MAN1A1: variants seen among roughly 807,000 people sequenced by gnomAD.
MAN1A1 encodes mannosyl-oligosaccharide 1,2-alpha-mannosidase IA.
Under a neutral mutation model 70.8 loss-of-function variants are expected in MAN1A1, and 29 were observed. The ratio of observed to expected loss-of-function variants is 0.41; its 90% confidence interval spans 0.31 to 0.56. MAN1A1 has a LOEUF of 0.56. MAN1A1 is among the 20% of genes least tolerant of loss of function. The pLI is 0.29. For missense variants in MAN1A1, 747 were observed against 841.3 expected (o/e 0.89, Z 1.39); for synonymous variants, 349 against 330.1 (o/e 1.06, Z -0.62).
intron 4 of MAN1A1, among the ~76,000 whole-genome samples, chr6:119,297,279 C>T (rs1687960787): frequency 6.6e-6 from 1 of 152,142 alleles, no homozygotes; most frequent in South Asian, 2.1e-4. Flanking sequence ...ACAGATGACA[C>T]AATACAGCTA....
At chr6:119,189,184 A>G (rs1300759205) in intron 10 of MAN1A1, among the ~76,000 whole-genome samples, 1 of 152,218 alleles carries the variant, frequency 6.6e-6, no homozygotes, top group African/African-American at 2.4e-5. Context: ...GCACCATGAA[A>G]TACCATTTGA....
chr6:119,260,108 G>A (rs539070974), intron 5 of MAN1A1, among the ~76,000 whole-genome samples: 1 of 152,034 alleles, frequency 6.6e-6, no homozygotes, highest in South Asian at 2.1e-4. Context: ...ATTTTCTATA[G>A]AGGGTTAGAT....
chr6:119,235,168 T>C (rs758130591), intron 6 of MAN1A1, among the ~76,000 whole-genome samples: 5 of 152,176 alleles, frequency 3.3e-5, no homozygotes. Context: ...AACCCAACAA[T>C]GGACTCTGAG....
At chr6:119,311,718 C>T (rs1025408372) in intron 2 of MAN1A1, among the ~76,000 whole-genome samples, 1 of 152,000 alleles carries the variant, frequency 6.6e-6, no homozygotes, top group Non-Finnish European at 1.5e-5. Context: ...AGAGGTGCAT[C>T]GGAATGAGGG....
Position 119,180,437 on chromosome 6 carries a change from AGAG to A in MAN1A1, c.1720-13_1720-11del, listed in dbSNP as rs1773120010. 2 of 1,368,156 alleles carry A rather than the reference AGAG, an allele frequency of 1.5e-6. No individual in the cohort carries two copies. Among genetic ancestry groups the A allele is most frequent in the East Asian group, 4.9e-5 (2 of 41,188 alleles). The allele number at this position is 1,368,156 out of a possible 1,614,324, so 84.8% of individuals were successfully genotyped here. A position where few individuals can be genotyped will look rare whatever the true frequency, so the allele number is the denominator to read the frequency against. On this transcript the variant is annotated splice_polypyrimidine_tract_variant and intron_variant, in intron 11 of 12. Coordinates refer to ENST00000368468, the MANE Select transcript of MAN1A1 (RefSeq NM_005907.4). ...AATGGTTTTCCAAGGCCTAAATTATAGAGGAGGAAAAAAAAAAGTCACATTTCA... is the reference window on the plus strand; with the variant it reads ...AATGGTTTTCCAAGGCCTAAATTATAGAGGAAAAAAAAAAGTCACATTTCA...
rs1291870010 is a variant in MAN1A1 at position 119,177,315 on chromosome 6, T to C, written c.*2504A>G. 3 of 152,042 alleles carry C rather than the reference T, an allele frequency of 2.0e-5. No homozygotes were observed. Among genetic ancestry groups the C allele is most frequent in the East Asian group, 1.9e-4 (1 of 5,200 alleles). The allele number at this position is 152,042 out of a possible 1,614,324, so 9.4% of individuals were successfully genotyped here. On this transcript the variant is annotated 3_prime_UTR_variant, in exon 13 of 13. Transcript: ENST00000368468. ...TAACATTGGAGATTTATATATAAAG[T>C]TGAAAATGACAGAATGGATTTATGT...
chr6:119,188,476 C>A lies in MAN1A1; in HGVS notation c.1648G>T (p.Glu550Ter). Residue 550 changes from glutamate (E) to a stop codon, truncating the protein, a stop_gained, in exon 11 of 13, where the codon GAG becomes TAG. Coordinates refer to ENST00000368468, the MANE Select transcript of MAN1A1 (RefSeq NM_005907.4). LOFTEE classifies it high-confidence loss of function. ...AGTCTCCACATATACATGTAAGTCT[C>A]CATAACTTCTGGCCGTAAGATGTAG... The part of the protein sequence containing the change: ...KYYILRPEVM[E>*]TYMYMWRLTH... The A allele has an allele frequency of 1.2e-6, 2 of 1,614,004 alleles. No individual in the cohort carries two copies. The highest frequency in any genetic ancestry group is 1.7e-6 in the Non-Finnish European group (2 of 1,179,912).
intron 3 of MAN1A1, among the ~76,000 whole-genome samples, chr6:119,304,695 A>G (rs1195569844): frequency 2.6e-5 from 4 of 152,210 alleles, no homozygotes; most frequent in Admixed American, 2.6e-4. Flanking sequence ...ATGAGAAGGA[A>G]GCAGACCTGA....
intron 2 of MAN1A1, among the ~76,000 whole-genome samples, chr6:119,314,336 A>C (rs1169525577): frequency 6.6e-6 from 1 of 152,228 alleles, no homozygotes; most frequent in African/African-American, 2.4e-5. Context: ...ATTTTGTTCT[A>C]CAAATCAAAC....
chr6:119,228,422 C>A (rs1582714871), intron 6 of MAN1A1, among the ~76,000 whole-genome samples: 1 of 152,004 alleles, frequency 6.6e-6, no homozygotes, highest in Non-Finnish European at 1.5e-5. Flanking sequence ...TTTCAAAAAT[C>A]TTAATAATTC....
chr6:119,209,884 C>A (rs2267673), intron 6 of MAN1A1, among the ~76,000 whole-genome samples: 47,985 of 151,692 alleles, frequency 0.32, 7,839 homozygotes, highest in East Asian at 0.56. Context: ...GGAAAGGTGG[C>A]TAATAGAGGG....
chr6:119,308,010 T>A (rs1772579921), intron 2 of MAN1A1, among the ~76,000 whole-genome samples: 1 of 152,192 alleles, frequency 6.6e-6, no homozygotes, highest in South Asian at 2.1e-4. Flanking sequence ...CCTTCCTAAC[T>A]CACCACTATT....
intron 9 of MAN1A1, among the ~76,000 whole-genome samples, chr6:119,191,777 T>G (rs1009118418): frequency 7.2e-5 from 11 of 152,216 alleles, no homozygotes. Flanking sequence ...GATTAAATGC[T>G]TCCCAAAATC....
At chr6:119,267,357 T>C (rs554403128) in intron 5 of MAN1A1, among the ~76,000 whole-genome samples, 83 of 152,330 alleles carry the variant, frequency 5.4e-4, no homozygotes, top group African/African-American at 2.0e-3. Context: ...GCTTGTTTTA[T>C]GTTGAAATAT....
At chr6:119,286,503 C>T (rs566830532) in intron 5 of MAN1A1, among the ~76,000 whole-genome samples, 1 of 152,168 alleles carries the variant, frequency 6.6e-6, no homozygotes, top group East Asian at 1.9e-4. Flanking sequence ...GTATTTCATA[C>T]TGGTGTTTGC....
chr6:119,207,761 G>T (rs892591596), intron 6 of MAN1A1, among the ~76,000 whole-genome samples: 10 of 152,166 alleles, frequency 6.6e-5, no homozygotes, highest in African/African-American at 2.4e-4. Context: ...ACTCAAATGG[G>T]GGGGTTGGTG....
At chr6:119,274,377 A>G (rs1272463689) in intron 5 of MAN1A1, among the ~76,000 whole-genome samples, 1 of 152,216 alleles carries the variant, frequency 6.6e-6, no homozygotes, top group Non-Finnish European at 1.5e-5. Flanking sequence ...AACATATGGT[A>G]GATTTACGAG....
intron 5 of MAN1A1, among the ~76,000 whole-genome samples, chr6:119,271,665 A>AT (rs776216600): frequency 0.042 from 6,241 of 149,090 alleles, 143 homozygotes; most frequent in African/African-American, 0.053. Context: ...ACACCTAGCT[A>AT]TTTTTTTTTT....
intron 10 of MAN1A1, 144 bp from the exon 11 acceptor site, chr6:119,188,721 A>G (rs953965033): frequency 2.8e-6 from 2 of 711,452 alleles, no homozygotes; most frequent in African/African-American, 3.6e-5. Flanking sequence ...AACAAAATCC[A>G]TGGATCCTTG....
Sources: allele counts gnomAD v4.1 joint callset (sites outside exome capture counted in the v4.1 genomes callset), GRCh38; gene constraint gnomAD v4.1.1; transcripts MANE v1.5; gene names NCBI Gene and HGNC (gene_info 2026-07-23, HGNC 2026-07-21).